Variants in ZZEF1 observed in about 807,000 individuals in gnomAD.
The protein encoded by ZZEF1 is zinc finger ZZ-type and EF-hand domain containing 1.
ZZEF1 carries 157 observed loss-of-function variants against 342.8 expected under a neutral mutation model. The observed-to-expected ratio is 0.46, with a 90% CI of 0.40 to 0.52. ZZEF1 has a LOEUF of 0.52. Among genes scored for constraint, ZZEF1 ranks in the 20% least tolerant of loss-of-function variants. ZZEF1 has a pLI of 0.00. For synonymous variants in ZZEF1, 1,505 were observed against 1,429.1 expected (o/e 1.05, Z -1.20); for missense variants, 3,480 against 3,725.6 (o/e 0.93, Z 1.72).
intron 18 of ZZEF1, among the ~76,000 whole-genome samples, chr17:4,080,374 T>C (rs2057700578): frequency 6.6e-6 from 1 of 152,072 alleles, no homozygotes. Context: ...AGAGTTTCGC[T>C]CGTTGCCCAG....
chr17:4,049,659 T>G (rs372966212), intron 37 of ZZEF1, 49 bp downstream of exon 37: 36 of 1,609,126 alleles, frequency 2.2e-5, no homozygotes, highest in Non-Finnish European at 2.9e-5. Flanking sequence ...TGAATGGCTC[T>G]CTCTAGAGTT....
intron 37 of ZZEF1, among the ~76,000 whole-genome samples, chr17:4,046,115 C>T (rs2056907158): frequency 6.6e-6 from 1 of 152,186 alleles, no homozygotes; most frequent in Non-Finnish European, 1.5e-5. Context: ...GCATGAGCCA[C>T]CACGCCCGGC....
intron 39 of ZZEF1, among the ~76,000 whole-genome samples, chr17:4,035,986 G>A (rs1414284197): frequency 2.7e-5 from 4 of 150,048 alleles, no homozygotes; most frequent in South Asian, 4.2e-4. Context: ...TGTAATTCCA[G>A]CTACTCAGGA....
chr17:4,018,958 C>T (rs2056190595), intron 46 of ZZEF1, among the ~76,000 whole-genome samples: 1 of 151,728 alleles, frequency 6.6e-6, no homozygotes, highest in African/African-American at 2.4e-5. Context: ...GAGCTGTCAC[C>T]CACCCCAGAC....
At chr17:4,097,477 G>GAAAA (rs1174680383) in intron 9 of ZZEF1, among the ~76,000 whole-genome samples, 1 of 13,854 alleles carries the variant, frequency 7.2e-5, no homozygotes, top group African/African-American at 1.0e-4. Context: ...TTTGAAATGG[G>GAAAA]AAAAAAAAAA....
In ZZEF1 at chr17:4,085,994, G is replaced by A. The variant is rs1199338968; in HGVS notation, c.2513-191C>T. On this transcript the variant is annotated intron_variant, in intron 15 of 54. Coordinates refer to ENST00000381638, the MANE Select transcript of ZZEF1 (RefSeq NM_015113.4). The stretch of plus-strand genomic sequence containing the variant: ...CTTTCATTTAACTAAAACAAAGACC[G>A]TATGTATCAGTTTTTATGTCATTAC... Among the ~76,000 whole-genome samples, 3 of 152,096 alleles carry A rather than the reference G, an allele frequency of 2.0e-5. No individual in the cohort carries two copies. In the East Asian group the frequency reaches 5.8e-4, roughly 29 times the overall value.
chr17:4,077,896 G>A lies in ZZEF1; in HGVS notation c.2976C>T (p.Asp992=). 1 of 1,613,872 alleles carries A rather than the reference G, an allele frequency of 6.2e-7. No individual in the cohort carries two copies. Among genetic ancestry groups the A allele is most frequent in the South Asian group, 1.1e-5 (1 of 91,060 alleles). ...TDSGAKDLAV[D]LIEKYVGQFL... Reference sequence around the variant, plus strand: ...ATTGAAACTCACATTTTTCAATAAGGTCCACGGCAAGATCTTTGGCTCCAG... The same window carrying A: ...ATTGAAACTCACATTTTTCAATAAGATCCACGGCAAGATCTTTGGCTCCAG... Residue 992 remains aspartate, a synonymous_variant, in exon 19 of 55, where the codon GAC becomes GAT. Coordinates refer to ENST00000381638, the MANE Select transcript of ZZEF1 (RefSeq NM_015113.4).
intron 25 of ZZEF1, chr17:4,071,240 G>A (rs2057503133): frequency 3.8e-6 from 1 of 259,758 alleles, no homozygotes; most frequent in Non-Finnish European, 7.3e-6. Context: ...AAAGCCTCCT[G>A]GAGGATATGG....
chr17:4,044,164 G>C, intron 38 of ZZEF1, 60 bp downstream of exon 38: 1 of 1,576,650 alleles, frequency 6.3e-7, no homozygotes, highest in Non-Finnish European at 8.7e-7. Context: ...ACAGCTCAGG[G>C]ATGGGTATAT....
chr17:4,010,058 T>C (rs1375246930), intron 52 of ZZEF1, among the ~76,000 whole-genome samples: 1 of 152,134 alleles, frequency 6.6e-6, no homozygotes, highest in East Asian at 1.9e-4. Flanking sequence ...ACATGGTGGC[T>C]CACACCTGTA....
At chr17:4,109,060 T>C (rs1317309624) in intron 6 of ZZEF1, among the ~76,000 whole-genome samples, 4 of 152,256 alleles carry the variant, frequency 2.6e-5, no homozygotes, top group African/African-American at 7.2e-5. Context: ...CTTTTTGCCC[T>C]AATGATTTTT....
chr17:4,009,167 G>C (rs1337091322), intron 53 of ZZEF1: 27 of 615,140 alleles, frequency 4.4e-5, no homozygotes, highest in Admixed American at 3.0e-5. Flanking sequence ...CCTGCCCTTG[G>C]GTGACCAGGC....
chr17:4,010,965 T>C (rs2055936417), intron 52 of ZZEF1, among the ~76,000 whole-genome samples: 1 of 151,894 alleles, frequency 6.6e-6, no homozygotes, highest in South Asian at 2.1e-4. Context: ...GGCTCATATT[T>C]ATAGTCCTAG....
At chr17:4,035,515 G>C (rs2056640950) in intron 39 of ZZEF1, among the ~76,000 whole-genome samples, 1 of 152,160 alleles carries the variant, frequency 6.6e-6, no homozygotes, top group South Asian at 2.1e-4. Context: ...TGGCAGAGGA[G>C]TCAGAGCACA....
chr17:4,096,888 A>C (rs562341763), intron 9 of ZZEF1, among the ~76,000 whole-genome samples, 188 bp from the exon 10 acceptor site: 13 of 152,308 alleles, frequency 8.5e-5, no homozygotes, highest in Admixed American at 3.9e-4. Context: ...AGGTAAGCAG[A>C]GAACTGACCA....
chr17:4,018,102 GT>G, intron 46 of ZZEF1, 131 bp from the exon 47 acceptor site: 1 of 1,233,804 alleles, frequency 8.1e-7, no homozygotes, highest in Non-Finnish European at 1.1e-6. Flanking sequence ...CATATTCCGT[GT>G]TTTGCCAACT....
chr17:4,105,669 T>C, intron 7 of ZZEF1, 24 bp downstream of exon 7: 1 of 1,541,274 alleles, frequency 6.5e-7, no homozygotes, highest in Non-Finnish European at 9.0e-7. Context: ...TCACAGAGTT[T>C]ACCCTCATCA....
At chr17:4,095,620 G>A (rs995202992) in intron 11 of ZZEF1, among the ~76,000 whole-genome samples, 1 of 152,186 alleles carries the variant, frequency 6.6e-6, no homozygotes, top group South Asian at 2.1e-4. Flanking sequence ...AAAAGGGACT[G>A]AGTAACATGC....
Position 4,017,824 on chromosome 17 carries a change from C to G in ZZEF1, c.7641+12G>C, listed in dbSNP as rs118017571. ...GGTGCAGATACTTTGGGTCCGAGGT[C>G]GGGTGACATACCAAGCATGGCAGGA... On this transcript the variant is annotated intron_variant, in intron 47 of 54. Coordinates refer to ENST00000381638, the MANE Select transcript of ZZEF1 (RefSeq NM_015113.4). The surrounding 1 kb of genome is among the most constrained non-coding windows in gnomAD (Gnocchi z 5.1). The G allele has an allele frequency of 1.2e-5, 19 of 1,613,946 alleles. No homozygotes were observed. The highest frequency in any genetic ancestry group is 2.2e-5 in the South Asian group (2 of 91,072).
Sources: allele counts gnomAD v4.1 joint callset (sites outside exome capture counted in the v4.1 genomes callset), GRCh38; gene constraint gnomAD v4.1.1; non-coding constraint Gnocchi (gnomAD v3.1); transcripts MANE v1.5; gene names NCBI Gene and HGNC (gene_info 2026-07-23, HGNC 2026-07-21).